NEO1: variants seen among roughly 807,000 people sequenced by gnomAD.
The protein encoded by NEO1 is neogenin 1.
In NEO1, 63 loss-of-function variants were observed where a neutral mutation model predicts 159.7. The observed-to-expected ratio is 0.39, with a 90% CI of 0.32 to 0.49. The LOEUF (loss-of-function observed/expected upper bound fraction) is 0.49, where lower values mean the gene tolerates loss of function less well. Among genes scored for constraint, NEO1 ranks in the 20% least tolerant of loss-of-function variants. The pLI, the probability that NEO1 is intolerant of heterozygous loss-of-function variation, is 0.85. For synonymous variants in NEO1, 633 were observed against 662.0 expected (o/e 0.96, Z 0.67); for missense variants, 1,615 against 1,831.0 (o/e 0.88, Z 2.15).
Position 73,289,131 on chromosome 15 carries a change from A to G in NEO1, c.3650-15A>G. 3 of 1,612,208 alleles carry G rather than the reference A, an allele frequency of 1.9e-6. No homozygotes were observed. The highest frequency in any genetic ancestry group is 2.5e-6 in the Non-Finnish European group (3 of 1,178,456). On this transcript the variant is annotated splice_polypyrimidine_tract_variant and intron_variant, in intron 24 of 28. Coordinates refer to ENST00000261908, the MANE Select transcript of NEO1 (RefSeq NM_002499.4). ...GGGCACATGCTGGTAACTAACCTCC[A>G]CGTTTAACATCTAGGGCATGAGTCA... is the stretch of plus-strand genomic sequence containing the variant.
chr15:73,260,414 C>G lies in NEO1; in HGVS notation c.2347C>G (p.Gln783Glu). 6.2e-7 allele frequency: 1 copy of G among 1,613,940 alleles called. No individual in the cohort carries two copies. The highest frequency in any genetic ancestry group is 8.5e-7 in the Non-Finnish European group (1 of 1,179,926). The change falls in exon 15 of 29, where the codon CAG (glutamine) becomes GAG (glutamate). Residue 783 changes from glutamine to glutamate, a missense_variant. Coordinates refer to ENST00000261908, the MANE Select transcript of NEO1 (RefSeq NM_002499.4). ...TTATGGCATTGGCAGCCCTCATGCC[C>G]AGACCATCAAAGTGGACTATAAACA... ...IGYGIGSPHA[Q>E]TIKVDYKQRY...
At chr15:73,224,746 C>T (rs1567532794) in intron 7 of NEO1, among the ~76,000 whole-genome samples, 3 of 152,128 alleles carry the variant, frequency 2.0e-5, no homozygotes, top group African/African-American at 4.8e-5. Context: ...TTGAGCTTCA[C>T]CTTTCTCTGG....
At chr15:73,117,836 T>C (rs1311361762) in intron 2 of NEO1, among the ~76,000 whole-genome samples, 1 of 152,104 alleles carries the variant, frequency 6.6e-6, no homozygotes, top group Admixed American at 6.6e-5. Flanking sequence ...AAATGGGTCC[T>C]TTTGCCAATT....
chr15:73,172,835 A>T (rs759163210), intron 5 of NEO1, among the ~76,000 whole-genome samples: 1 of 152,182 alleles, frequency 6.6e-6, no homozygotes, highest in Non-Finnish European at 1.5e-5. Context: ...GTTGCTTCAG[A>T]TTACTTTCAT....
intron 15 of NEO1, among the ~76,000 whole-genome samples, chr15:73,263,775 G>C (rs1362087585): frequency 6.6e-6 from 1 of 152,022 alleles, no homozygotes; most frequent in African/African-American, 2.4e-5. Context: ...CAAAAAAAAA[G>C]TAACCTTTAG....
intron 5 of NEO1, among the ~76,000 whole-genome samples, chr15:73,174,741 A>G (rs982117468): frequency 1.3e-5 from 2 of 152,208 alleles, no homozygotes; most frequent in Non-Finnish European, 2.9e-5. Context: ...TTATATATAG[A>G]TAAGAAAATT....
At chr15:73,118,929 C>T (rs948624672) in intron 2 of NEO1, among the ~76,000 whole-genome samples, 4 of 152,120 alleles carry the variant, frequency 2.6e-5, no homozygotes, top group Admixed American at 6.5e-5. Flanking sequence ...AGTGAACTGC[C>T]TTCTGCAAAT....
chr15:73,147,898 C>T (rs951861020), intron 5 of NEO1, among the ~76,000 whole-genome samples: 2 of 151,948 alleles, frequency 1.3e-5, no homozygotes, highest in Non-Finnish European at 2.9e-5. Flanking sequence ...ACTGCATCCT[C>T]CACCTCCTGG....
intron 5 of NEO1, chr15:73,143,253 C>T: frequency 6.2e-6 from 1 of 161,528 alleles, no homozygotes; most frequent in Non-Finnish European, 1.4e-5. Context: ...TTAGAAGCTC[C>T]ATGTTGAAGA....
At chr15:73,153,123 G>T (rs1204696594) in intron 5 of NEO1, among the ~76,000 whole-genome samples, 2 of 152,188 alleles carry the variant, frequency 1.3e-5, no homozygotes, top group African/African-American at 4.8e-5. Flanking sequence ...GAGAAGATCA[G>T]TGTCCCAACT....
intron 21 of NEO1, among the ~76,000 whole-genome samples, chr15:73,275,169 T>A (rs1402978382): frequency 6.6e-6 from 1 of 152,210 alleles, no homozygotes; most frequent in African/African-American, 2.4e-5. Context: ...TGTATCACAT[T>A]CAGTGAATAC....
chr15:73,227,315 G>A (rs1371573450), intron 7 of NEO1, among the ~76,000 whole-genome samples: 2 of 152,116 alleles, frequency 1.3e-5, no homozygotes, highest in African/African-American at 4.8e-5. Context: ...GACCAACATG[G>A]TGAAACCCCG....
chr15:73,249,137 C>T lies in NEO1; in HGVS notation c.1684C>T (p.Pro562Ser). ...CTCCATCACTGTTACGTGGGAAACA[C>T]CAGTGTCTGGCAATGGGGAAATTCA... ...PTSITVTWET[P>S]VSGNGEIQNY... The change falls in exon 10 of 29, where the codon CCA becomes TCA. Residue 562 changes from proline to serine, a missense_variant. This residue lies in a region of NEO1 where 1,018 missense variants were observed against 1,115.4 expected (regional missense o/e 0.91). Transcript: ENST00000261908. 1 of 1,613,992 alleles carries T rather than the reference C, an allele frequency of 6.2e-7. No individual in the cohort carries two copies. The highest frequency in any genetic ancestry group is 1.1e-5 in the South Asian group (1 of 91,082).
rs78038348 is a variant in NEO1, at chr15:73,194,061, G to T, written c.1291+15634G>T. 8.6e-3 allele frequency among the ~76,000 whole-genome samples: 1,305 copies of T among 152,294 alleles called. 22 individuals are homozygous for T. Among genetic ancestry groups the T allele is most frequent in the African/African-American group, 0.03 (1,233 of 41,564 alleles). On this transcript the variant is annotated intron_variant, in intron 7 of 28. Coordinates refer to ENST00000261908, the MANE Select transcript of NEO1 (RefSeq NM_002499.4). ...GAATATACATCTGGGAAGGTGTGCA[G>T]AGACCAGATTATTTAATACCAAGTC... is the stretch of plus-strand genomic sequence containing the variant.
chr15:73,067,965 A>C (rs2068309223), intron 1 of NEO1, among the ~76,000 whole-genome samples: 1 of 151,962 alleles, frequency 6.6e-6, no homozygotes, highest in African/African-American at 2.4e-5. Context: ...CTAATATTTC[A>C]GGTATAGATG....
At chr15:73,059,541 A>G (rs1054258938) in intron 1 of NEO1, among the ~76,000 whole-genome samples, 1 of 152,190 alleles carries the variant, frequency 6.6e-6, no homozygotes, top group African/African-American at 2.4e-5. Flanking sequence ...GGAAATAAAG[A>G]TGAATTGGAC....
At chr15:73,180,107 C>T (rs764843363) in intron 7 of NEO1, among the ~76,000 whole-genome samples, 1 of 152,026 alleles carries the variant, frequency 6.6e-6, no homozygotes, top group Non-Finnish European at 1.5e-5. Context: ...TTGAGCATTT[C>T]TCAAAAATAC....
chr15:73,198,333 T>G (rs1207532755), intron 7 of NEO1, among the ~76,000 whole-genome samples: 1 of 152,194 alleles, frequency 6.6e-6, no homozygotes, highest in African/African-American at 2.4e-5. Flanking sequence ...TCATCGTTCT[T>G]TATTTCACTT....
intron 22 of NEO1, among the ~76,000 whole-genome samples, chr15:73,279,374 A>T (rs2041585882): frequency 4.5e-5 from 3 of 66,082 alleles, no homozygotes; most frequent in Non-Finnish European, 4.2e-5. Context: ...TTTGAGATGG[A>T]ATCTCGCTCT....
Sources: allele counts gnomAD v4.1 joint callset (sites outside exome capture counted in the v4.1 genomes callset), GRCh38; gene constraint gnomAD v4.1.1; regional missense constraint gnomAD v4.1.1; transcripts MANE v1.5; gene names NCBI Gene and HGNC (gene_info 2026-07-23, HGNC 2026-07-21).